GABBR1: variants seen among roughly 807,000 people sequenced by gnomAD.
GABBR1 encodes gamma-aminobutyric acid type B receptor subunit 1, also known as GABA-B receptor, R1 subunit.
Under a neutral mutation model 117.7 loss-of-function variants are expected in GABBR1, and 35 were observed. That is an observed-to-expected ratio of 0.30 (90% CI 0.23 to 0.39). The LOEUF is 0.39. GABBR1 is among the 10% of genes least tolerant of loss of function. GABBR1 has a pLI of 1.00. For synonymous variants in GABBR1, 442 were observed against 486.6 expected (o/e 0.91, Z 1.21); for missense variants, 709 against 1,241.8 (o/e 0.57, Z 6.45).
intron 11 of GABBR1, among the ~76,000 whole-genome samples, chr6:29,615,158 A>C (rs1762942954): frequency 6.6e-6 from 1 of 151,834 alleles, no homozygotes; most frequent in South Asian, 2.1e-4. Context: ...GGTGGTGTGC[A>C]CTTGCAGTCC....
In GABBR1 at chr6:29,627,378, C is replaced by G; in HGVS notation, c.657+108G>C. On this transcript the variant is annotated intron_variant, in intron 6 of 22. Transcript: ENST00000377034. This position sits in a 1 kb window ranked among gnomAD's most constrained non-coding sequence, Gnocchi z 4.4. ...CCTGCCAGTCACACAAGGGAGGGGTCTGCCTCGCAATCCCAGAGACGACTC... is the reference window on the plus strand; with the variant it reads ...CCTGCCAGTCACACAAGGGAGGGGTGTGCCTCGCAATCCCAGAGACGACTC... 8.7e-7 allele frequency: 1 copy of G among 1,153,438 alleles called. No individual in the cohort carries two copies. The highest frequency in any genetic ancestry group is 1.2e-6 in the Non-Finnish European group (1 of 815,000). 71.5% of individuals were successfully genotyped at this position (1,153,438 alleles called of 1,614,324 possible).
Position 29,605,506 on chromosome 6 carries a change from G to C in GABBR1, c.2439+63C>G. The stretch of plus-strand genomic sequence containing the variant: ...CCAGATCTAGCATTGATTCTTCCTA[G>C]TCCTCTATATCTGGGCTGCTGTGGT... On this transcript the variant is annotated intron_variant, in intron 20 of 22. Transcript: ENST00000377034. This position sits in a 1 kb window ranked among gnomAD's most constrained non-coding sequence, Gnocchi z 4.2. 1.3e-6 allele frequency: 2 copies of C among 1,578,446 alleles called. No homozygotes were observed. The highest frequency in any genetic ancestry group is 2.0e-4 in the Middle Eastern group (1 of 4,966).
Position 29,622,427 on chromosome 6 carries a change from C to A in GABBR1, c.964-222G>T. ...TGGGAAGGTGAATGGTGAGCCCCTG[C>A]TGAGGCTCTGTGTGGGGGAAGCCAC... On this transcript the variant is annotated intron_variant, in intron 8 of 22. Coordinates refer to ENST00000377034, the MANE Select transcript of GABBR1 (RefSeq NM_001470.4). This position sits in a 1 kb window ranked among gnomAD's most constrained non-coding sequence, Gnocchi z 4.6. The A allele has an allele frequency of 1.8e-6, 1 of 567,632 alleles. No homozygotes were observed. The highest frequency in any genetic ancestry group is 3.1e-6 in the Non-Finnish European group (1 of 318,016). The allele number at this position is 567,632 out of a possible 1,614,324, so 35.2% of individuals were successfully genotyped here.
rs1762000247 is a variant in GABBR1 at position 29,606,778 on chromosome 6, A to T, written c.2217+119T>A. The T allele has an allele frequency of 1.3e-6, 1 of 787,026 alleles. No homozygotes were observed. Among genetic ancestry groups the T allele is most frequent in the Non-Finnish European group, 2.1e-6 (1 of 482,932 alleles). The allele number at this position is 787,026 out of a possible 1,614,324, so 48.8% of individuals were successfully genotyped here. On this transcript the variant is annotated intron_variant, in intron 18 of 22. Transcript: ENST00000377034. This position sits in a 1 kb window ranked among gnomAD's most constrained non-coding sequence, Gnocchi z 4.5. The stretch of plus-strand genomic sequence containing the variant: ...AGGAAGGAAAGGAAGAGCTTCCAAT[A>T]CGAGGAAGGCACTCTCTCCAAGTAG...
rs1562078757 is a variant in GABBR1, at chr6:29,606,098, TA to T, written c.2311+292del. 3 of 547,270 alleles carry T rather than the reference TA, an allele frequency of 5.5e-6. No homozygotes were observed. Among genetic ancestry groups the T allele is most frequent in the Non-Finnish European group, 6.5e-6 (2 of 307,908 alleles). The allele number at this position is 547,270 out of a possible 1,614,324, so 33.9% of individuals were successfully genotyped here. A position where few individuals can be genotyped will look rare whatever the true frequency, so the allele number is the denominator to read the frequency against. ...AATGCTAATAAGGCCAAGGGGGATC[TA>T]AAAGATAATGTCAAGTCTGGAGGTG... On this transcript the variant is annotated intron_variant, in intron 19 of 22. Coordinates refer to ENST00000377034, the MANE Select transcript of GABBR1 (RefSeq NM_001470.4). This position sits in a 1 kb window ranked among gnomAD's most constrained non-coding sequence, Gnocchi z 4.5.
intron 6 of GABBR1, among the ~76,000 whole-genome samples, chr6:29,624,475 G>A (rs921581528): frequency 6.6e-6 from 1 of 152,004 alleles, no homozygotes; most frequent in Non-Finnish European, 1.5e-5. Flanking sequence ...CCTCACCTCT[G>A]CAAACCCCTT....
chr6:29,603,636 G>C lies in GABBR1; in HGVS notation c.2793C>G (p.Pro931=). 1 of 1,527,794 alleles carries C rather than the reference G, an allele frequency of 6.5e-7. No individual in the cohort carries two copies. The highest frequency in any genetic ancestry group is 2.3e-5 in the Admixed American group (1 of 44,044). 94.6% of individuals were successfully genotyped at this position (1,527,794 alleles called of 1,614,324 possible). A position where few individuals can be genotyped will look rare whatever the true frequency, so the allele number is the denominator to read the frequency against. Residue 931 remains proline, a synonymous_variant, in exon 23 of 23, where the codon CCC becomes CCG. Transcript: ENST00000377034. ...TGGGCAGGCCCCCAGAGGGTTCTGG[G>C]GGTGTCGGTGGGTGGCGCCGGGAGC... ...QLRSRRHPPT[P]PEPSGGLPRG...
chr6:29,605,742 C>T lies in GABBR1; in HGVS notation c.2312-46G>A, dbSNP rs370516847. On this transcript the variant is annotated intron_variant, in intron 19 of 22. Transcript: ENST00000377034. This position sits in a 1 kb window ranked among gnomAD's most constrained non-coding sequence, Gnocchi z 4.2. ...CACTTGAGCAACAAGGACCACAATG[C>T]TCCTCACTCAATCCCCATCCCCTCT... 3.8e-6 allele frequency: 6 copies of T among 1,599,478 alleles called. No homozygotes were observed. In the African/African-American group the frequency reaches 6.7e-5, roughly 18 times the overall value.
chr6:29,627,395 A>G lies in GABBR1; in HGVS notation c.657+91T>C. 2.3e-6 allele frequency: 3 copies of G among 1,318,878 alleles called. No individual in the cohort carries two copies. The highest frequency in any genetic ancestry group is 2.4e-5 in the Admixed American group (1 of 41,308). 81.7% of individuals were successfully genotyped at this position (1,318,878 alleles called of 1,614,324 possible). A position where few individuals can be genotyped will look rare whatever the true frequency, so the allele number is the denominator to read the frequency against. ...GGAGGGGTCTGCCTCGCAATCCCAG[A>G]GACGACTCAGACAGATGGGGGCGCG... On this transcript the variant is annotated intron_variant, in intron 6 of 22. Coordinates refer to ENST00000377034, the MANE Select transcript of GABBR1 (RefSeq NM_001470.4). The surrounding 1 kb of genome is among the most constrained non-coding windows in gnomAD (Gnocchi z 4.4).
At position 29,606,528 on chromosome 6, in the gene GABBR1, C is replaced by CCCT; in HGVS notation, c.2218-47_2218-45dup. 7.7e-7 allele frequency: 1 copy of CCCT among 1,304,784 alleles called. No homozygotes were observed. Among genetic ancestry groups the CCCT allele is most frequent in the East Asian group, 2.3e-5 (1 of 43,488 alleles). The allele number at this position is 1,304,784 out of a possible 1,614,324, so 80.8% of individuals were successfully genotyped here. ...CACAAGAAAGATGGTTGCCAGCCTCCCCTCCTCTCCTCAACGCTTCTCAGT... is the reference window on the plus strand; with the variant it reads ...CACAAGAAAGATGGTTGCCAGCCTCCCCTCCTCCTCTCCTCAACGCTTCTCAGT... On this transcript the variant is annotated intron_variant, in intron 18 of 22. Transcript: ENST00000377034. This position sits in a 1 kb window ranked among gnomAD's most constrained non-coding sequence, Gnocchi z 4.5.
rs770733547 is a variant in GABBR1 at position 29,630,537 on chromosome 6, G to A, written c.396C>T (p.Asp132=). The change falls in exon 4 of 23, where the codon GAC becomes GAT. Residue 132 remains aspartate (D), a synonymous_variant. Coordinates refer to ENST00000377034, the MANE Select transcript of GABBR1 (RefSeq NM_001470.4). The surrounding 1 kb of genome is among the most constrained non-coding windows in gnomAD (Gnocchi z 4.9). ...AGCTGCCCACCAGATGGAAGTCGGG[G>A]TCACACCGGAAATCCACCCGGGCTC... ...LDGARVDFRC[D]PDFHLVGSSR... is the part of the protein sequence containing the mutation. 21 of 1,613,086 alleles carry A rather than the reference G, an allele frequency of 1.3e-5. No homozygotes were observed. The highest frequency in any genetic ancestry group is 1.7e-5 in the Non-Finnish European group (20 of 1,180,022).
intron 6 of GABBR1, among the ~76,000 whole-genome samples, chr6:29,625,566 C>A (rs535153665): frequency 1.3e-5 from 2 of 152,296 alleles, no homozygotes; most frequent in African/African-American, 4.8e-5. Flanking sequence ...TCCTCCCTCT[C>A]TTTGCTCTTG....
Position 29,611,222 on chromosome 6 carries a change from T to A in GABBR1, c.1631-221A>T, listed in dbSNP as rs1290555770. The A allele has an allele frequency of 8.2e-6, 4 of 489,632 alleles. No homozygotes were observed. Among genetic ancestry groups the A allele is most frequent in the Non-Finnish European group, 1.5e-5 (4 of 275,448 alleles). The allele number at this position is 489,632 out of a possible 1,614,324, so 30.3% of individuals were successfully genotyped here. On this transcript the variant is annotated intron_variant, in intron 13 of 22. Coordinates refer to ENST00000377034, the MANE Select transcript of GABBR1 (RefSeq NM_001470.4). This position sits in a 1 kb window ranked among gnomAD's most constrained non-coding sequence, Gnocchi z 4.6. ...CCAAGACAACTCAAATAAATAAGAA[T>A]ATCTATGTTTAAAAGTCTTCAGTGA...
chr6:29,621,447 C>T lies in GABBR1; in HGVS notation c.1132-155G>A, dbSNP rs1277727918. Reference sequence around the variant, plus strand: ...TCTTGGGGATAGTAGGAAAGGCTGACAATTCTTCCTTCTAAGTTTCTCCCC... The same window carrying T: ...TCTTGGGGATAGTAGGAAAGGCTGATAATTCTTCCTTCTAAGTTTCTCCCC... On this transcript the variant is annotated intron_variant, in intron 10 of 22. Transcript: ENST00000377034. This position sits in a 1 kb window ranked among gnomAD's most constrained non-coding sequence, Gnocchi z 5.0. Among the ~76,000 whole-genome samples the T allele has an allele frequency of 1.3e-5, 2 of 152,174 alleles. No individual in the cohort carries two copies. The highest frequency in any genetic ancestry group is 4.8e-5 in the African/African-American group (2 of 41,440).
In GABBR1 at chr6:29,613,031, G is replaced by T. The variant is rs1762713448; in HGVS notation, c.1566+212C>A. ...TGGTCTAGTTTGAAAAGAAATGAGGGGAGGGGTTTAAAAAAATGGAATACA... is the reference window on the plus strand; with the variant it reads ...TGGTCTAGTTTGAAAAGAAATGAGGTGAGGGGTTTAAAAAAATGGAATACA... On this transcript the variant is annotated intron_variant, in intron 12 of 22. Transcript: ENST00000377034. The surrounding 1 kb of genome is among the most constrained non-coding windows in gnomAD (Gnocchi z 4.1). 6.6e-6 allele frequency among the ~76,000 whole-genome samples: 1 copy of T among 152,144 alleles called. No individual in the cohort carries two copies. The highest frequency in any genetic ancestry group is 2.4e-5 in the African/African-American group (1 of 41,430).
chr6:29,611,343 A>G lies in GABBR1; in HGVS notation c.1631-342T>C, dbSNP rs1762519783. ...GATTTTGGCTTCTAAAGCTTTACAC[A>G]TATTTCTGCTTATTCTTCCTCTCAT... On this transcript the variant is annotated intron_variant, in intron 13 of 22. Transcript: ENST00000377034. The surrounding 1 kb of genome is among the most constrained non-coding windows in gnomAD (Gnocchi z 4.6). 6.6e-6 allele frequency among the ~76,000 whole-genome samples: 1 copy of G among 152,132 alleles called. No homozygotes were observed. Among genetic ancestry groups the G allele is most frequent in the South Asian group, 2.1e-4 (1 of 4,830 alleles).
chr6:29,623,077 C>T lies in GABBR1; in HGVS notation c.963+228G>A, dbSNP rs534254355. Among the ~76,000 whole-genome samples, 1 of 152,286 alleles carries T rather than the reference C, an allele frequency of 6.6e-6. No homozygotes were observed. The highest frequency in any genetic ancestry group is 2.1e-4 in the South Asian group (1 of 4,824). On this transcript the variant is annotated intron_variant, in intron 8 of 22. Coordinates refer to ENST00000377034, the MANE Select transcript of GABBR1 (RefSeq NM_001470.4). This position sits in a 1 kb window ranked among gnomAD's most constrained non-coding sequence, Gnocchi z 6.2. ...GGGTCTATATGTCTGGGGAACAGGG[C>T]ATCAAACAGGGGAAAAAAATCATAA... is the stretch of plus-strand genomic sequence containing the variant.
At position 29,632,544 on chromosome 6, in the gene GABBR1, C is replaced by T. The variant is rs1216367760; in HGVS notation, c.1-159G>A. ...CGGAGGAGGCGGGGGCGGAGCCCCG[C>T]GCGGGGTGGGGGGAGAGGAGGAGAG... is the stretch of plus-strand genomic sequence containing the variant. On this transcript the variant is annotated intron_variant, in intron 1 of 22. Coordinates refer to ENST00000377034, the MANE Select transcript of GABBR1 (RefSeq NM_001470.4). This position sits in a 1 kb window ranked among gnomAD's most constrained non-coding sequence, Gnocchi z 5.8. The T allele has an allele frequency of 1.1e-6, 1 of 901,780 alleles. No individual in the cohort carries two copies. Among genetic ancestry groups the T allele is most frequent in the Non-Finnish European group, 1.6e-6 (1 of 643,256 alleles). The allele number at this position is 901,780 out of a possible 1,614,324, so 55.9% of individuals were successfully genotyped here.
chr6:29,606,842 T>C lies in GABBR1; in HGVS notation c.2217+55A>G. On this transcript the variant is annotated intron_variant, in intron 18 of 22. Transcript: ENST00000377034. The surrounding 1 kb of genome is among the most constrained non-coding windows in gnomAD (Gnocchi z 4.5). Reference sequence around the variant, plus strand: ...GACACACACAGCCCCAGGGCCCTGATGGCCACTGAGCCCTGCTCATTCTCC... The same window carrying C: ...GACACACACAGCCCCAGGGCCCTGACGGCCACTGAGCCCTGCTCATTCTCC... 1.4e-6 allele frequency: 2 copies of C among 1,444,788 alleles called. No homozygotes were observed. The highest frequency in any genetic ancestry group is 1.1e-5 in the South Asian group (1 of 87,122). The allele number at this position is 1,444,788 out of a possible 1,614,324, so 89.5% of individuals were successfully genotyped here.
Sources: allele counts gnomAD v4.1 joint callset (sites outside exome capture counted in the v4.1 genomes callset), GRCh38; gene constraint gnomAD v4.1.1; non-coding constraint Gnocchi (gnomAD v3.1); transcripts MANE v1.5; gene names NCBI Gene and HGNC (gene_info 2026-07-23, HGNC 2026-07-21).